The following CDH13 variants were observed in gnomAD, a reference collection of about 807,000 sequenced individuals.
CDH13 encodes cadherin-13.
Under a neutral mutation model 63.8 loss-of-function variants are expected in CDH13, and 24 were observed. The observed-to-expected ratio is 0.38, with a 90% CI of 0.27 to 0.53. The LOEUF (loss-of-function observed/expected upper bound fraction) is 0.53, where lower values mean the gene tolerates loss of function less well. Ranked by LOEUF, CDH13 falls within the 20% of genes least tolerant of loss-of-function variation. The probability of loss-of-function intolerance (pLI) is 0.85; values close to 1 mark genes in which losing one functional copy is unlikely to be tolerated. For missense variants in CDH13, 1,049 were observed against 903.1 expected, an observed-to-expected ratio of 1.16 and a Z score of -2.07; for synonymous variants, 503 against 355.3, an observed-to-expected ratio of 1.42 and a Z score of -4.67.
intron 6 of CDH13, among the ~76,000 whole-genome samples, chr16:83,418,632 A>C (rs1388953099): frequency 6.6e-6 from 1 of 152,134 alleles, no homozygotes; most frequent in Admixed American, 6.6e-5. Context: ...TCCTTTGATG[A>C]GGAAGTGTTG....
intron 1 of CDH13, among the ~76,000 whole-genome samples, chr16:82,732,263 T>C (rs930827659): frequency 9.9e-5 from 15 of 152,224 alleles, no homozygotes; most frequent in African/African-American, 3.6e-4. Flanking sequence ...CTGAACTGAA[T>C]TGTGATTTAA....
intron 6 of CDH13, among the ~76,000 whole-genome samples, chr16:83,348,511 G>C (rs969474924): frequency 2.0e-5 from 3 of 152,178 alleles, no homozygotes; most frequent in African/African-American, 7.2e-5. Flanking sequence ...GGAACAGAAG[G>C]GTCCCATGCT....
At chr16:83,216,432 A>G (rs1196763631) in intron 4 of CDH13, among the ~76,000 whole-genome samples, 1 of 118,670 alleles carries the variant, frequency 8.4e-6, no homozygotes, top group African/African-American at 3.0e-5. Context: ...ATATATATAT[A>G]TATATATATA....
chr16:83,664,451 C>G (rs1390710795), intron 8 of CDH13, among the ~76,000 whole-genome samples: 1 of 151,592 alleles, frequency 6.6e-6, no homozygotes, highest in Non-Finnish European at 1.5e-5. Flanking sequence ...ATGTAGAACT[C>G]TGTACTGTAT....
At chr16:83,115,119 C>T (rs550747757) in intron 3 of CDH13, among the ~76,000 whole-genome samples, 2 of 152,304 alleles carry the variant, frequency 1.3e-5, no homozygotes, top group East Asian at 3.9e-4. Context: ...AAGCACAGAC[C>T]TCCTTGAAAA....
intron 4 of CDH13, among the ~76,000 whole-genome samples, chr16:83,128,441 A>C (rs938356198): frequency 6.6e-6 from 1 of 152,144 alleles, no homozygotes; most frequent in Non-Finnish European, 1.5e-5. Flanking sequence ...TGCACACTCA[A>C]ATTTACAGAG....
At chr16:82,802,559 T>G (rs2036919362) in intron 1 of CDH13, among the ~76,000 whole-genome samples, 1 of 152,148 alleles carries the variant, frequency 6.6e-6, no homozygotes, top group African/African-American at 2.4e-5. Flanking sequence ...CAGAAGCATG[T>G]GCATGATGTG....
intron 6 of CDH13, among the ~76,000 whole-genome samples, chr16:83,450,110 A>G (rs528972388): frequency 5.3e-5 from 8 of 152,186 alleles, no homozygotes; most frequent in Non-Finnish European, 1.2e-4. Context: ...GAAGGCAGAT[A>G]TGGATAAACC....
At chr16:83,079,435 C>T (rs9940144) in intron 3 of CDH13, among the ~76,000 whole-genome samples, 3 of 152,140 alleles carry the variant, frequency 2.0e-5, no homozygotes, top group Admixed American at 2.0e-4. Flanking sequence ...TTTATCTGAG[C>T]TCAAGCTTGC....
At chr16:83,567,461 A>G (rs1404108365) in intron 7 of CDH13, among the ~76,000 whole-genome samples, 2 of 152,248 alleles carry the variant, frequency 1.3e-5, no homozygotes, top group Non-Finnish European at 2.9e-5. Flanking sequence ...AGTTGCTTGC[A>G]TAAGACTTCG....
intron 2 of CDH13, among the ~76,000 whole-genome samples, chr16:83,025,951 T>A (rs1467606007): frequency 6.6e-6 from 1 of 151,798 alleles, no homozygotes; most frequent in Non-Finnish European, 1.5e-5. Context: ...TGGGAGAGAG[T>A]GGGGGCAGGT....
chr16:83,624,615 T>A (rs1459804986), intron 8 of CDH13, among the ~76,000 whole-genome samples: 2 of 152,088 alleles, frequency 1.3e-5, no homozygotes, highest in African/African-American at 2.4e-5. Flanking sequence ...TCATGCTCAC[T>A]CACAGGATGC....
chr16:83,145,088 C>G (rs773547459), intron 4 of CDH13, among the ~76,000 whole-genome samples: 1 of 152,192 alleles, frequency 6.6e-6, no homozygotes, highest in Non-Finnish European at 1.5e-5. Flanking sequence ...TTTTGGGTCT[C>G]CATCCATATG....
chr16:83,163,059 A>T (rs868432898), intron 4 of CDH13, among the ~76,000 whole-genome samples: 1 of 152,046 alleles, frequency 6.6e-6, no homozygotes, highest in Non-Finnish European at 1.5e-5. Context: ...TGTTCTTGTG[A>T]TAGTGAATAA....
At chr16:82,972,240 A>G (rs1908864442) in intron 2 of CDH13, among the ~76,000 whole-genome samples, 1 of 151,208 alleles carries the variant, frequency 6.6e-6, no homozygotes, top group Middle Eastern at 3.2e-3. Context: ...TATGACAGAA[A>G]TCTACTATAG....
chr16:83,184,876 C>G (rs1207352952), intron 4 of CDH13, among the ~76,000 whole-genome samples: 2 of 149,852 alleles, frequency 1.3e-5, no homozygotes, highest in Non-Finnish European at 3.0e-5. Context: ...TTTGTGATGT[C>G]TAAGCCGTGT....
chr16:83,456,480 G>C lies in CDH13; in HGVS notation c.782-29997G>C, dbSNP rs369753152. Among the ~76,000 whole-genome samples the C allele has an allele frequency of 3.0e-4, 46 of 152,332 alleles. No homozygotes were observed. The South Asian group carries it at 9.1e-3, about 30-fold the overall frequency. On this transcript the variant is annotated intron_variant, in intron 6 of 13. Transcript: ENST00000567109. ...ACGTCATGACAGTAGAATGCACGGG[G>C]AACCCTGGGTTCAGGGGAGGGGACT... is the stretch of plus-strand genomic sequence containing the variant.
chr16:83,274,787 C>T (rs2088933588), intron 5 of CDH13, among the ~76,000 whole-genome samples: 1 of 152,154 alleles, frequency 6.6e-6, no homozygotes, highest in Non-Finnish European at 1.5e-5. Flanking sequence ...CTACTAAGAA[C>T]CTCCATGGGT....
At chr16:82,813,620 G>A (rs1262422965) in intron 1 of CDH13, among the ~76,000 whole-genome samples, 2 of 152,112 alleles carry the variant, frequency 1.3e-5, no homozygotes, top group African/African-American at 4.8e-5. Context: ...GTGTGTCTGT[G>A]GCTATACAGA....
Sources: allele counts gnomAD v4.1 joint callset (sites outside exome capture counted in the v4.1 genomes callset), GRCh38; gene constraint gnomAD v4.1.1; transcripts MANE v1.5; gene names NCBI Gene and HGNC (gene_info 2026-07-23, HGNC 2026-07-21).